Variants in CACNA1D observed in about 807,000 individuals in gnomAD.
CACNA1D encodes the protein voltage-dependent L-type calcium channel subunit alpha-1D.
CACNA1D carries 55 observed loss-of-function variants against 257.1 expected under a neutral mutation model. The ratio of observed to expected loss-of-function variants is 0.21; its 90% CI spans 0.17 to 0.27. CACNA1D has a LOEUF of 0.27. Ranked by LOEUF, CACNA1D falls within the 10% of genes least tolerant of loss-of-function variation. The probability of loss-of-function intolerance (pLI) is 1.00; values close to 1 mark genes in which losing one functional copy is unlikely to be tolerated. For synonymous variants in CACNA1D, 980 were observed against 1,014.9 expected, an observed-to-expected ratio of 0.97 and a Z score of 0.65; for missense variants, 1,876 against 2,784.0, an observed-to-expected ratio of 0.67 and a Z score of 7.34.
intron 3 of CACNA1D, among the ~76,000 whole-genome samples, chr3:53,625,174 CATCCGGGTCTTG>C (rs2093742771): frequency 6.6e-6 from 1 of 152,162 alleles, no homozygotes; most frequent in Non-Finnish European, 1.5e-5. Flanking sequence ...ATCTCACTCA[CATCCGGGTCTTG>C]AGGTCCTGAC....
At chr3:53,700,886 A>ATTTTTATTTTT (rs1332378687) in intron 8 of CACNA1D, among the ~76,000 whole-genome samples, 3 of 106,336 alleles carry the variant, frequency 2.8e-5, no homozygotes, top group African/African-American at 1.1e-4. Flanking sequence ...TTTTATTTTT[A>ATTTTTATTTTT]TTTTTATTTT....
rs891174080 is a variant in CACNA1D at position 53,552,996 on chromosome 3, A to G, written c.483+51276A>G. Among the ~76,000 whole-genome samples, 24 of 152,252 alleles carry G rather than the reference A, an allele frequency of 1.6e-4. 1 individual carries two copies. On this transcript the variant is annotated intron_variant, in intron 3 of 47. Coordinates refer to ENST00000350061, the MANE Select transcript of CACNA1D (RefSeq NM_001128840.3). ...ATAGGAGAGCAGTTGCTTTCAAGTT[A>G]TGTTAAAAACTCCTGGGCGGGAGCA...
intron 3 of CACNA1D, among the ~76,000 whole-genome samples, chr3:53,525,239 C>G (rs2091722307): frequency 6.6e-6 from 1 of 152,176 alleles, no homozygotes; most frequent in African/African-American, 2.4e-5. Flanking sequence ...TGAGATCTCA[C>G]TTGCCTTTAA....
chr3:53,646,002 G>A (rs932790597), intron 3 of CACNA1D, among the ~76,000 whole-genome samples: 5 of 152,206 alleles, frequency 3.3e-5, no homozygotes, highest in African/African-American at 9.7e-5. Context: ...CGCTGGGTGC[G>A]TTTTTGGCCC....
intron 3 of CACNA1D, among the ~76,000 whole-genome samples, chr3:53,575,392 G>T (rs77364322): frequency 1.3e-5 from 2 of 152,130 alleles, no homozygotes; most frequent in Non-Finnish European, 2.9e-5. Context: ...TGGGGTGGGG[G>T]CATGGTTCCA....
chr3:53,546,319 A>C (rs2092411910), intron 3 of CACNA1D, among the ~76,000 whole-genome samples: 1 of 152,194 alleles, frequency 6.6e-6, no homozygotes, highest in African/African-American at 2.4e-5. Flanking sequence ...GACCGATTCC[A>C]GGAACCCAAC....
intron 3 of CACNA1D, among the ~76,000 whole-genome samples, chr3:53,576,854 T>C (rs2093047433): frequency 6.6e-6 from 1 of 152,240 alleles, no homozygotes; most frequent in African/African-American, 2.4e-5. Flanking sequence ...CTAAGTAGAA[T>C]TGATAAATGC....
intron 3 of CACNA1D, among the ~76,000 whole-genome samples, chr3:53,641,030 T>C (rs188258527): frequency 1.3e-5 from 2 of 152,238 alleles, no homozygotes; most frequent in East Asian, 3.9e-4. Flanking sequence ...GTGCTTTCAG[T>C]CTTGGAAAAG....
intron 3 of CACNA1D, among the ~76,000 whole-genome samples, chr3:53,575,571 C>T (rs1441138408): frequency 6.6e-6 from 1 of 152,134 alleles, no homozygotes; most frequent in Admixed American, 6.5e-5. Flanking sequence ...ACAGGTGTGG[C>T]CATGGTGCAC....
At chr3:53,750,913 C>T (rs1490169013) in intron 27 of CACNA1D, among the ~76,000 whole-genome samples, 2 of 152,184 alleles carry the variant, frequency 1.3e-5, no homozygotes, top group Non-Finnish European at 2.9e-5. Context: ...GTGGACCAGC[C>T]CCACTACCCA....
chr3:53,688,417 C>T, intron 8 of CACNA1D, among the ~76,000 whole-genome samples: 1 of 152,318 alleles, frequency 6.6e-6, no homozygotes, highest in African/African-American at 2.4e-5. Context: ...GTTTCCAAAT[C>T]AAGGCTTTTT....
In CACNA1D at chr3:53,740,513, C is replaced by T. The variant is rs2095106021; in HGVS notation, c.2811+174C>T. On this transcript the variant is annotated intron_variant, in intron 21 of 47. Coordinates refer to ENST00000350061, the MANE Select transcript of CACNA1D (RefSeq NM_001128840.3). ...TACCCGGCAGTGTGTTTAAGGGCTG[C>T]TCCTGCGTGTGACACACAGGAAAGA... 4.6e-6 allele frequency: 3 copies of T among 645,330 alleles called. No individual in the cohort carries two copies. The East Asian group carries it at 8.5e-5, about 18-fold the overall frequency. The allele number at this position is 645,330 out of a possible 1,614,324, so 40.0% of individuals were successfully genotyped here.
intron 3 of CACNA1D, among the ~76,000 whole-genome samples, chr3:53,573,309 C>T (rs2092980253): frequency 6.6e-6 from 1 of 152,210 alleles, no homozygotes; most frequent in African/African-American, 2.4e-5. Context: ...CAGCTGGCTT[C>T]CTATTACTGT....
intron 8 of CACNA1D, among the ~76,000 whole-genome samples, chr3:53,674,274 A>G (rs2094352754): frequency 6.6e-6 from 1 of 152,172 alleles, no homozygotes; most frequent in Non-Finnish European, 1.5e-5. Flanking sequence ...ACTGTGAAGG[A>G]GAAATAAGCC....
chr3:53,657,681 G>C (rs1045033499), intron 4 of CACNA1D, among the ~76,000 whole-genome samples: 10 of 152,074 alleles, frequency 6.6e-5, no homozygotes, highest in South Asian at 2.1e-4. Context: ...CAGAAGAAAG[G>C]TTTTAAAAAA....
At chr3:53,652,054 G>A (rs1477354401) in intron 4 of CACNA1D, among the ~76,000 whole-genome samples, 1 of 152,138 alleles carries the variant, frequency 6.6e-6, no homozygotes, top group Non-Finnish European at 1.5e-5. Flanking sequence ...TGTCATTTAA[G>A]GCATCATTGC....
intron 29 of CACNA1D, among the ~76,000 whole-genome samples, chr3:53,755,594 T>A (rs1026551013): frequency 6.6e-6 from 1 of 152,218 alleles, no homozygotes; most frequent in African/African-American, 2.4e-5. Flanking sequence ...GCTTGTAGTT[T>A]CACTCAGCAA....
rs201981216 is a variant in CACNA1D at position 53,495,226 on chromosome 3, C to T, written c.60C>T (p.His20=). The change falls in exon 1 of 48, where the codon CAC becomes CAT. Residue 20 remains histidine (H), a synonymous_variant. Coordinates refer to ENST00000350061, the MANE Select transcript of CACNA1D (RefSeq NM_001128840.3). This position sits in a 1 kb window ranked among gnomAD's most constrained non-coding sequence, Gnocchi z 5.1. The part of the protein sequence containing the change: ...MQHQRQQQAD[H]ANEANYARGT... ...ATCAACGGCAGCAGCAAGCGGACCACGCGAACGGTGAGCAGCCAGAGCCCG... is the reference window on the plus strand; with the variant it reads ...ATCAACGGCAGCAGCAAGCGGACCATGCGAACGGTGAGCAGCCAGAGCCCG... 5 of 1,613,638 alleles carry T rather than the reference C, an allele frequency of 3.1e-6. No individual in the cohort carries two copies. The highest frequency in any genetic ancestry group is 1.1e-5 in the South Asian group (1 of 91,062).
chr3:53,662,924 A>G (rs1229767891), intron 5 of CACNA1D, among the ~76,000 whole-genome samples: 2 of 152,256 alleles, frequency 1.3e-5, no homozygotes, highest in African/African-American at 4.8e-5. Flanking sequence ...GAAAACCAAA[A>G]CAATGATAGA....
Sources: gnomAD v4.1 joint callset for allele counts (sites outside exome capture counted in the v4.1 genomes callset) on GRCh38, gnomAD v4.1.1 for gene constraint, Gnocchi (gnomAD v3.1) non-coding constraint, MANE v1.5 for transcripts, NCBI Gene and HGNC (gene_info 2026-07-23, HGNC 2026-07-21) for gene names.